PTPRE: variants seen among roughly 807,000 people sequenced by gnomAD.
The protein encoded by PTPRE is protein tyrosine phosphatase receptor type E, also known as receptor-type tyrosine-protein phosphatase epsilon.
In PTPRE, 51 loss-of-function variants were observed where a neutral mutation model predicts 102.0. The ratio of observed to expected loss-of-function variants is 0.50; its 90% CI spans 0.40 to 0.63. PTPRE has a LOEUF of 0.63. Among genes scored for constraint, PTPRE ranks in the 30% least tolerant of loss-of-function variants. The pLI, the probability that PTPRE is intolerant of heterozygous loss-of-function variation, is 0.00. For synonymous variants in PTPRE, 345 were observed against 348.2 expected (o/e 0.99, Z 0.10); for missense variants, 752 against 915.1 (o/e 0.82, Z 2.30).
intron 1 of PTPRE, among the ~76,000 whole-genome samples, chr10:127,967,743 C>T (rs1850365793): frequency 6.6e-6 from 1 of 152,222 alleles, no homozygotes; most frequent in Non-Finnish European, 1.5e-5. Context: ...GCACCCAGAT[C>T]AAGGAATGTG....
At chr10:127,972,285 G>A (rs1335961457) in intron 1 of PTPRE, among the ~76,000 whole-genome samples, 1 of 152,198 alleles carries the variant, frequency 6.6e-6, no homozygotes, top group Admixed American at 6.5e-5. Context: ...TCCTAATGTT[G>A]AGGACATTAT....
intron 2 of PTPRE, chr10:127,999,514 G>C: frequency 1.0e-6 from 1 of 985,286 alleles, no homozygotes; most frequent in Non-Finnish European, 1.2e-6. Flanking sequence ...GTTCCTCTCC[G>C]AGCTCAGTGC....
Position 127,992,708 on chromosome 10 carries a change from A to G in PTPRE, c.-8+10412A>G, listed in dbSNP as rs940184409. Among the ~76,000 whole-genome samples, 21 of 152,314 alleles carry G rather than the reference A, an allele frequency of 1.4e-4. No homozygotes were observed. The East Asian group carries it at 3.7e-3, about 27-fold the overall frequency. ...CACCTGCTCTAGAAACCTAGGTACC[A>G]GGTCTAAAATCCAAATACAGCATCA... On this transcript the variant is annotated intron_variant, in intron 2 of 20. Coordinates refer to ENST00000254667, the MANE Select transcript of PTPRE (RefSeq NM_006504.6).
intron 2 of PTPRE, among the ~76,000 whole-genome samples, chr10:128,011,129 A>G (rs1431662148): frequency 6.6e-6 from 1 of 152,182 alleles, no homozygotes; most frequent in African/African-American, 2.4e-5. Context: ...TTTAATGGGT[A>G]ATTCTCTCTG....
chr10:128,023,580 A>G, intron 2 of PTPRE, among the ~76,000 whole-genome samples: 1 of 152,220 alleles, frequency 6.6e-6, no homozygotes, highest in East Asian at 1.9e-4. Context: ...AATAAACTTT[A>G]CGTAGGTACA....
At chr10:127,920,798 C>G (rs553127470) in intron 1 of PTPRE, among the ~76,000 whole-genome samples, 1 of 152,390 alleles carries the variant, frequency 6.6e-6, no homozygotes, top group East Asian at 1.9e-4. Context: ...TCAGGTACAA[C>G]TGGATCCACA....
Position 128,073,486 on chromosome 10 carries a change from C to T in PTPRE, c.1599+15C>T. The T allele has an allele frequency of 6.2e-7, 1 of 1,604,596 alleles. No individual in the cohort carries two copies. The highest frequency in any genetic ancestry group is 1.1e-5 in the South Asian group (1 of 90,484). ...AGAGAGAGCAGGTGAGGAGTGCCGC[C>T]CAGCCCGGTCCCTCCAGGGCAGCCT... On this transcript the variant is annotated intron_variant, in intron 17 of 20. Transcript: ENST00000254667.
intron 2 of PTPRE, 41 bp downstream of exon 2, chr10:127,982,337 A>T (rs1279393439): frequency 8.7e-7 from 1 of 1,143,958 alleles, no homozygotes; most frequent in African/African-American, 1.6e-5. Flanking sequence ...TGATGTACAG[A>T]TAACTAGTTT....
intron 2 of PTPRE, among the ~76,000 whole-genome samples, chr10:128,007,621 G>C (rs1333231161): frequency 6.6e-6 from 1 of 152,176 alleles, no homozygotes; most frequent in Non-Finnish European, 1.5e-5. Flanking sequence ...CTGGAGATGT[G>C]GGTTTCTGAA....
At position 127,907,198 on chromosome 10, in the gene PTPRE, C is replaced by A; in HGVS notation, c.-142C>A. The A allele has an allele frequency of 1.0e-6, 1 of 958,404 alleles. No individual in the cohort carries two copies. The highest frequency in any genetic ancestry group is 1.2e-6 in the Non-Finnish European group (1 of 805,988). The allele number at this position is 958,404 out of a possible 1,614,324, so 59.4% of individuals were successfully genotyped here. A position where few individuals can be genotyped will look rare whatever the true frequency, so the allele number is the denominator to read the frequency against. The stretch of plus-strand genomic sequence containing the variant: ...GCCTCTGCGCGTCCCCGCGACCCTT[C>A]TTCGCGCCCGGCGAAGACAGCCGGG... On this transcript the variant is annotated 5_prime_UTR_variant, in exon 1 of 21. Coordinates refer to ENST00000254667, the MANE Select transcript of PTPRE (RefSeq NM_006504.6). The surrounding 1 kb of genome is among the most constrained non-coding windows in gnomAD (Gnocchi z 4.8).
chr10:128,061,763 C>T lies in PTPRE; in HGVS notation c.625+48C>T, dbSNP rs778156054. On this transcript the variant is annotated intron_variant, in intron 9 of 20. Coordinates refer to ENST00000254667, the MANE Select transcript of PTPRE (RefSeq NM_006504.6). ...AACGTATTTTTGGTAACGTGAATAG[C>T]TCTTATTTCCTTCTCTGTATGCCAA... The T allele has an allele frequency of 6.4e-6, 10 of 1,553,874 alleles. No homozygotes were observed. The East Asian group carries it at 6.9e-5, about 11-fold the overall frequency.
At chr10:127,958,026 T>G (rs1849528842) in intron 1 of PTPRE, among the ~76,000 whole-genome samples, 2 of 152,258 alleles carry the variant, frequency 1.3e-5, no homozygotes, top group South Asian at 4.1e-4. Context: ...ACTAACTTTT[T>G]GTATTAACTT....
chr10:127,934,858 T>A (rs1201519814), intron 1 of PTPRE: 1 of 152,230 alleles, frequency 6.6e-6, no homozygotes, highest in Admixed American at 6.5e-5. Flanking sequence ...AGCCACGGCC[T>A]CAGGAGGTGG....
chr10:127,907,447 G>T lies in PTPRE; in HGVS notation c.-31+138G>T. 2 of 599,152 alleles carry T rather than the reference G, an allele frequency of 3.3e-6. No homozygotes were observed. The highest frequency in any genetic ancestry group is 4.2e-6 in the Non-Finnish European group (2 of 478,062). 37.1% of individuals were successfully genotyped at this position (599,152 alleles called of 1,614,324 possible). A position where few individuals can be genotyped will look rare whatever the true frequency, so the allele number is the denominator to read the frequency against. Reference sequence around the variant, plus strand: ...CTCCGGGGCTCAGAGTCCGGACCCCGGCCCCGCCGCCCCCGCGGCGCGCCC... The same window carrying T: ...CTCCGGGGCTCAGAGTCCGGACCCCTGCCCCGCCGCCCCCGCGGCGCGCCC... On this transcript the variant is annotated intron_variant, in intron 1 of 20. Coordinates refer to ENST00000254667, the MANE Select transcript of PTPRE (RefSeq NM_006504.6). The surrounding 1 kb of genome is among the most constrained non-coding windows in gnomAD (Gnocchi z 4.8).
At chr10:127,950,969 C>T (rs781409708) in intron 1 of PTPRE, among the ~76,000 whole-genome samples, 14 of 152,006 alleles carry the variant, frequency 9.2e-5, no homozygotes, top group African/African-American at 1.7e-4. Flanking sequence ...TCGTGGCGGG[C>T]GCCTATAGTC....
intron 2 of PTPRE, among the ~76,000 whole-genome samples, chr10:128,037,616 GAC>G (rs1847322098): frequency 6.6e-6 from 1 of 152,182 alleles, no homozygotes; most frequent in African/African-American, 2.4e-5. Context: ...GGAATAAAAA[GAC>G]AGATTTATAA....
chr10:127,915,699 A>G (rs1299242524), intron 1 of PTPRE, among the ~76,000 whole-genome samples: 1 of 152,104 alleles, frequency 6.6e-6, no homozygotes, highest in African/African-American at 2.4e-5. Context: ...CATTCTTTCA[A>G]AGGATATTTT....
At position 127,907,348 on chromosome 10, in the gene PTPRE, G is replaced by C; in HGVS notation, c.-31+39G>C. ...CGGACAGGGACCCTGCGCCCCTGTG[G>C]GGAACTGTGCACCCCGGGAGGCCCA... On this transcript the variant is annotated intron_variant, in intron 1 of 20. Coordinates refer to ENST00000254667, the MANE Select transcript of PTPRE (RefSeq NM_006504.6). This position sits in a 1 kb window ranked among gnomAD's most constrained non-coding sequence, Gnocchi z 4.8. The C allele has an allele frequency of 1.0e-6, 1 of 984,560 alleles. No homozygotes were observed. Among genetic ancestry groups the C allele is most frequent in the Non-Finnish European group, 1.2e-6 (1 of 829,578 alleles). 61.0% of individuals were successfully genotyped at this position (984,560 alleles called of 1,614,324 possible).
At chr10:127,927,003 G>A (rs1358949763) in intron 1 of PTPRE, among the ~76,000 whole-genome samples, 1 of 151,674 alleles carries the variant, frequency 6.6e-6, no homozygotes, top group South Asian at 2.1e-4. Context: ...GTAGAGATGG[G>A]GTTTCACTGT....
Sources: gnomAD v4.1 joint callset for allele counts (sites outside exome capture counted in the v4.1 genomes callset) on GRCh38, gnomAD v4.1.1 for gene constraint, Gnocchi (gnomAD v3.1) non-coding constraint, MANE v1.5 for transcripts, NCBI Gene and HGNC (gene_info 2026-07-23, HGNC 2026-07-21) for gene names.